KCNT2: variants seen among roughly 807,000 people sequenced by gnomAD.
The protein encoded by KCNT2 is potassium channel subfamily T member 2.
A neutral mutation model predicts 153.8 loss-of-function variants in KCNT2; 67 were observed. The observed-to-expected ratio is 0.44, with a 90% CI of 0.36 to 0.53. KCNT2 has a LOEUF of 0.53. Among genes scored for constraint, KCNT2 ranks in the 20% least tolerant of loss-of-function variants. The pLI is 0.00. For missense variants in KCNT2, 975 were observed against 1,354.8 expected (o/e 0.72, Z 4.40); for synonymous variants, 500 against 458.8 (o/e 1.09, Z -1.15).
At chr1:196,284,248 A>AAAAATATATATAT in intron 23 of KCNT2, among the ~76,000 whole-genome samples, 1 of 10,050 alleles carries the variant, frequency 1.0e-4, no homozygotes, top group African/African-American at 1.4e-4. Context: ...AAAAAAAAAA[A>AAAAATATATATAT]ATATATATAT....
chr1:196,446,552 G>T (rs141528539), intron 8 of KCNT2, among the ~76,000 whole-genome samples: 9 of 151,522 alleles, frequency 5.9e-5, no homozygotes, highest in African/African-American at 2.2e-4. Flanking sequence ...GGTAGCCCTA[G>T]AAATACAATA....
At position 196,486,060 on chromosome 1, in the gene KCNT2, G is replaced by A. The variant is rs574182538; in HGVS notation, c.276-3681C>T. Among the ~76,000 whole-genome samples, 115 of 151,898 alleles carry A rather than the reference G, an allele frequency of 7.6e-4. 1 individual carries two copies. The East Asian group carries it at 0.014, about 18-fold the overall frequency. Reference sequence around the variant, plus strand: ...TAAGTAGCAGATGCATCATCATCAAGTAAAACAACAAAAACATTACAAATG... The same window carrying A: ...TAAGTAGCAGATGCATCATCATCAAATAAAACAACAAAAACATTACAAATG... On this transcript the variant is annotated intron_variant, in intron 3 of 27. Coordinates refer to ENST00000294725, the MANE Select transcript of KCNT2 (RefSeq NM_198503.5).
At chr1:196,266,942 G>A (rs891172759) in intron 25 of KCNT2, among the ~76,000 whole-genome samples, 1 of 152,122 alleles carries the variant, frequency 6.6e-6, no homozygotes, top group African/African-American at 2.4e-5. Context: ...TAGCTCATTT[G>A]GCCACCCACA....
At chr1:196,373,464 G>T (rs1239553592) in intron 13 of KCNT2, among the ~76,000 whole-genome samples, 1 of 151,842 alleles carries the variant, frequency 6.6e-6, no homozygotes, top group Non-Finnish European at 1.5e-5. Context: ...GGTCACTCCT[G>T]TCTCAACAAA....
intron 1 of KCNT2, among the ~76,000 whole-genome samples, chr1:196,518,686 G>C (rs1652939804): frequency 6.6e-6 from 1 of 152,044 alleles, no homozygotes; most frequent in Non-Finnish European, 1.5e-5. Context: ...GGAAAAAAAA[G>C]CACATTACAT....
At chr1:196,290,836 G>A (rs1660124632) in intron 22 of KCNT2, among the ~76,000 whole-genome samples, 2 of 151,654 alleles carry the variant, frequency 1.3e-5, no homozygotes, top group African/African-American at 4.8e-5. Flanking sequence ...TCCCCATAAT[G>A]TCTCTTTTCA....
chr1:196,596,865 T>C (rs1385605708), intron 1 of KCNT2, among the ~76,000 whole-genome samples: 1 of 152,100 alleles, frequency 6.6e-6, no homozygotes, highest in African/African-American at 2.4e-5. Context: ...CACACCTGGC[T>C]AATTTTTTGT....
chr1:196,440,905 T>A (rs1675167640), intron 8 of KCNT2, among the ~76,000 whole-genome samples: 1 of 151,752 alleles, frequency 6.6e-6, no homozygotes, highest in African/African-American at 2.4e-5. Flanking sequence ...TTCCTACAAA[T>A]CTGAACCTTG....
At chr1:196,360,391 T>C (rs1667518051) in intron 14 of KCNT2, among the ~76,000 whole-genome samples, 1 of 151,974 alleles carries the variant, frequency 6.6e-6, no homozygotes, top group African/African-American at 2.4e-5. Flanking sequence ...TCTGTGGAAA[T>C]GGCAGAATTA....
At chr1:196,234,534 A>T (rs1654249148) in intron 27 of KCNT2, among the ~76,000 whole-genome samples, 1 of 151,018 alleles carries the variant, frequency 6.6e-6, no homozygotes, top group Non-Finnish European at 1.5e-5. Context: ...CTGCTTTTTA[A>T]CTGTTTTCCC....
At chr1:196,521,652 C>T (rs1024517193) in intron 1 of KCNT2, among the ~76,000 whole-genome samples, 2 of 152,124 alleles carry the variant, frequency 1.3e-5, no homozygotes, top group African/African-American at 4.8e-5. Context: ...TTTGGAGGAA[C>T]ATGAATGGAG....
At chr1:196,555,592 T>G (rs1658534423) in intron 1 of KCNT2, among the ~76,000 whole-genome samples, 1 of 151,176 alleles carries the variant, frequency 6.6e-6, no homozygotes, top group Non-Finnish European at 1.5e-5. Flanking sequence ...GCAATCTACT[T>G]ATTCAATGCC....
intron 15 of KCNT2, 82 bp downstream of exon 15, chr1:196,341,997 T>A (rs1412129222): frequency 2.2e-6 from 3 of 1,394,378 alleles, no homozygotes; most frequent in East Asian, 2.3e-5. Flanking sequence ...GAACACAATA[T>A]GCATTCTATT....
intron 26 of KCNT2, among the ~76,000 whole-genome samples, chr1:196,242,913 AG>A (rs1269259816): frequency 6.6e-6 from 1 of 152,190 alleles, no homozygotes; most frequent in African/African-American, 2.4e-5. Context: ...ATTATCTCAT[AG>A]GTACGTTGGG....
At chr1:196,304,238 G>A (rs1661431209) in intron 22 of KCNT2, among the ~76,000 whole-genome samples, 1 of 152,074 alleles carries the variant, frequency 6.6e-6, no homozygotes. Flanking sequence ...CAGGAATTAG[G>A]ACAGCATCTG....
intron 1 of KCNT2, among the ~76,000 whole-genome samples, chr1:196,523,887 T>G (rs1653827039): frequency 6.6e-6 from 1 of 152,216 alleles, no homozygotes; most frequent in Non-Finnish European, 1.5e-5. Context: ...TGTAAAATGT[T>G]GCAAAAGATT....
In KCNT2 at chr1:196,361,912, TGA is replaced by T. The variant is rs1435031327; in HGVS notation, c.1403+11226_1403+11227del. Among the ~76,000 whole-genome samples the T allele has an allele frequency of 5.7e-5, 4 of 70,644 alleles. No homozygotes were observed. The East Asian group carries it at 1.7e-3, about 30-fold the overall frequency. 46.3% of individuals were successfully genotyped at this position (70,644 alleles called of 152,430 possible). On this transcript the variant is annotated intron_variant, in intron 14 of 27. Transcript: ENST00000294725. ...TAAATTGTGTGTGTGTTTGTGAGTG[TGA>T]GTGTGTGTGTGTGTGTGTTTCACTC...
intron 18 of KCNT2, among the ~76,000 whole-genome samples, chr1:196,330,557 C>A (rs1016733665): frequency 6.6e-6 from 1 of 151,850 alleles, no homozygotes; most frequent in African/African-American, 2.4e-5. Context: ...TGTTATTCTT[C>A]AAGAGAATAA....
At chr1:196,503,938 G>T (rs1008265562) in intron 1 of KCNT2, among the ~76,000 whole-genome samples, 2 of 152,110 alleles carry the variant, frequency 1.3e-5, no homozygotes, top group Non-Finnish European at 2.9e-5. Context: ...AGTATGTAAT[G>T]CACTTGCTTA....
Sources: allele counts gnomAD v4.1 joint callset (sites outside exome capture counted in the v4.1 genomes callset), GRCh38; gene constraint gnomAD v4.1.1; transcripts MANE v1.5; gene names NCBI Gene and HGNC (gene_info 2026-07-23, HGNC 2026-07-21).